MLIP: variants seen among roughly 807,000 people sequenced by gnomAD.
MLIP encodes the protein muscular LMNA interacting protein.
Under a neutral mutation model 84.8 loss-of-function variants are expected in MLIP, and 79 were observed. The observed-to-expected ratio is 0.93, with a 90% CI of 0.78 to 1.12. MLIP has a LOEUF of 1.12. Among genes scored for constraint, MLIP ranks in the 50% most tolerant of loss-of-function variants. The pLI is 0.00. For missense variants in MLIP, 1,257 were observed against 1,160.6 expected, an observed-to-expected ratio of 1.08 and a Z score of -1.21; for synonymous variants, 504 against 463.0, an observed-to-expected ratio of 1.09 and a Z score of -1.14.
chr6:54,077,322 G>A (rs1307040576), intron 1 of MLIP, among the ~76,000 whole-genome samples: 3 of 151,452 alleles, frequency 2.0e-5, no homozygotes, highest in East Asian at 1.9e-4. Context: ...TGCTTTTGTA[G>A]CAAAAGACAA....
chr6:54,210,791 A>G (rs2150740936), intron 11 of MLIP, among the ~76,000 whole-genome samples: 1 of 151,670 alleles, frequency 6.6e-6, no homozygotes, highest in Non-Finnish European at 1.5e-5. Context: ...AATTTAATTT[A>G]TTGTAGCTCA....
chr6:54,136,587 AT>A, intron 3 of MLIP, 127 bp from the exon 4 acceptor site: 1 of 878,290 alleles, frequency 1.1e-6, no homozygotes, highest in Non-Finnish European at 1.6e-6. Flanking sequence ...AATTTCCTTC[AT>A]TTTTGTGGAG....
chr6:54,036,011 T>C lies in MLIP; in HGVS notation c.63+16920T>C, dbSNP rs139762316. The stretch of plus-strand genomic sequence containing the variant: ...ACCATTTTTTTTCTTTTACAGATCA[T>C]GCTTTTGGTATCAAGTATAAGAACT... On this transcript the variant is annotated intron_variant, in intron 1 of 12. Transcript: ENST00000274897. 2.0e-4 allele frequency among the ~76,000 whole-genome samples: 31 copies of C among 152,144 alleles called. 1 individual carries two copies. In the East Asian group the frequency reaches 3.5e-3, roughly 17 times the overall value.
intron 9 of MLIP, among the ~76,000 whole-genome samples, chr6:54,174,285 C>T (rs933522321): frequency 2.6e-5 from 4 of 151,780 alleles, no homozygotes; most frequent in Non-Finnish European, 5.9e-5. Context: ...TACATGGTAG[C>T]TCTTTCTTTT....
intron 11 of MLIP, among the ~76,000 whole-genome samples, chr6:54,227,515 T>C (rs1384426708): frequency 6.6e-6 from 1 of 152,194 alleles, no homozygotes; most frequent in African/African-American, 2.4e-5. Context: ...GATGAAGATA[T>C]ACCCACGCCA....
chr6:54,124,407 A>T, intron 2 of MLIP, 66 bp from the exon 3 acceptor site: 1 of 1,441,888 alleles, frequency 6.9e-7, no homozygotes, highest in Non-Finnish European at 9.4e-7. Context: ...TTTTCAGTGT[A>T]CATGCCAAAA....
chr6:54,243,930 G>A (rs1279237763), intron 12 of MLIP, among the ~76,000 whole-genome samples: 1 of 152,132 alleles, frequency 6.6e-6, no homozygotes, highest in Admixed American at 6.6e-5. Flanking sequence ...GGCAGAGCCT[G>A]GGCTTATGAA....
chr6:54,249,221 T>C (rs2150862310), intron 12 of MLIP, among the ~76,000 whole-genome samples: 1 of 152,198 alleles, frequency 6.6e-6, no homozygotes, highest in African/African-American at 2.4e-5. Context: ...GAAACTCATC[T>C]ATTTAGGGCC....
chr6:54,266,088 CA>C lies in MLIP; in HGVS notation c.*142del, dbSNP rs1222398748. 7.3e-4 allele frequency: 616 copies of C among 843,964 alleles called. No homozygotes were observed. Among genetic ancestry groups the C allele is most frequent in the Middle Eastern group, 9.8e-4 (3 of 3,056 alleles). 52.3% of individuals were successfully genotyped at this position (843,964 alleles called of 1,614,324 possible). On this transcript the variant is annotated 3_prime_UTR_variant, in exon 14 of 14. Coordinates refer to ENST00000502396, the MANE Select transcript of MLIP (RefSeq NM_001281747.2). ...TTTATGAGCTGCAGTGCAGCAGAAC[CA>C]AAAAAAAAGTTTGCTGCAATTATAT...
intron 1 of MLIP, among the ~76,000 whole-genome samples, chr6:54,028,306 A>T (rs764349925): frequency 5.3e-5 from 8 of 152,036 alleles, no homozygotes; most frequent in Non-Finnish European, 8.8e-5. Flanking sequence ...TCTTCAAAAT[A>T]GGCCTAGTAC....
At chr6:54,205,978 A>G (rs1380357366) in intron 11 of MLIP, among the ~76,000 whole-genome samples, 1 of 152,180 alleles carries the variant, frequency 6.6e-6, no homozygotes, top group Non-Finnish European at 1.5e-5. Flanking sequence ...TTTAAAGCAT[A>G]TTTTTATTGA....
In MLIP at chr6:54,124,712, G is replaced by T. The variant is rs375740489; in HGVS notation, c.492G>T (p.Gly164=). The T allele has an allele frequency of 5.3e-5, 85 of 1,614,206 alleles. No homozygotes were observed. In the African/African-American group the frequency reaches 9.2e-4, roughly 17 times the overall value. ...AAGTTGAACAAGGCCCCCCAGGGGG[G>T]ATTGGCACCGCAGCTGTCCGGCCCA... ...SRKVEQGPPG[G]IGTAAVRPKS... The change falls in exon 3 of 14, where the codon GGG becomes GGT. Residue 164 remains glycine, a synonymous_variant. Coordinates refer to ENST00000502396, the MANE Select transcript of MLIP (RefSeq NM_001281747.2).
intron 1 of MLIP, among the ~76,000 whole-genome samples, chr6:54,031,861 A>C (rs572397404): frequency 6.6e-6 from 1 of 152,196 alleles, no homozygotes; most frequent in Non-Finnish European, 1.5e-5. Flanking sequence ...TATACAAAGC[A>C]CTAAATGCTG....
At chr6:54,101,714 A>G (rs922636806) in intron 1 of MLIP, among the ~76,000 whole-genome samples, 16 of 152,180 alleles carry the variant, frequency 1.1e-4, no homozygotes, top group African/African-American at 3.4e-4. Context: ...CCATTCAACA[A>G]TAATTTCCTG....
chr6:54,250,833 C>T (rs1197725409), intron 12 of MLIP, among the ~76,000 whole-genome samples: 1 of 152,012 alleles, frequency 6.6e-6, no homozygotes, highest in Admixed American at 6.6e-5. Context: ...ATTTCAGCCT[C>T]TGGGAAAAAT....
At chr6:54,258,040 A>C (rs566728834) in intron 13 of MLIP, among the ~76,000 whole-genome samples, 1 of 152,242 alleles carries the variant, frequency 6.6e-6, no homozygotes, top group Non-Finnish European at 1.5e-5. Context: ...CAAGAGCAAG[A>C]ATAACTGAAC....
chr6:54,178,229 C>T (rs1397595858), intron 9 of MLIP, among the ~76,000 whole-genome samples: 2 of 152,002 alleles, frequency 1.3e-5, no homozygotes, highest in African/African-American at 4.8e-5. Context: ...TAAAAAAGTA[C>T]ATAAGGAAAA....
intron 9 of MLIP, among the ~76,000 whole-genome samples, chr6:54,182,122 G>A (rs1299293): frequency 0.85 from 129,247 of 152,092 alleles, 55,965 homozygotes; most frequent in Non-Finnish European, 0.94. Flanking sequence ...ACTTTCCTCC[G>A]TTTGCCTAGA....
chr6:54,057,484 C>A (rs1156540522), intron 1 of MLIP, among the ~76,000 whole-genome samples: 1 of 152,172 alleles, frequency 6.6e-6, no homozygotes, highest in Non-Finnish European at 1.5e-5. Context: ...AAAATGCTTG[C>A]ATATTTGCAT....
Sources: gnomAD v4.1 joint callset for allele counts (sites outside exome capture counted in the v4.1 genomes callset) on GRCh38, gnomAD v4.1.1 for gene constraint, MANE v1.5 for transcripts, NCBI Gene and HGNC (gene_info 2026-07-23, HGNC 2026-07-21) for gene names.